Variants in ABCA1 observed in about 807,000 individuals in gnomAD.
ABCA1 encodes phospholipid-transporting ATPase ABCA1.
ABCA1 carries 133 observed loss-of-function variants against 262.5 expected under a neutral mutation model. The ratio of observed to expected loss-of-function variants is 0.51; its 90% CI spans 0.44 to 0.59. The LOEUF (loss-of-function observed/expected upper bound fraction) is 0.59. Ranked by LOEUF, ABCA1 falls within the 20% of genes least tolerant of loss-of-function variation. ABCA1 has a pLI of 0.00. For missense variants in ABCA1, 2,452 were observed against 2,777.5 expected, an observed-to-expected ratio of 0.88 and a Z score of 2.63; for synonymous variants, 1,022 against 1,043.5, an observed-to-expected ratio of 0.98 and a Z score of 0.40.
intron 15 of ABCA1, among the ~76,000 whole-genome samples, chr9:104,827,970 T>C (rs1010064395): frequency 2.0e-5 from 3 of 152,250 alleles, no homozygotes; most frequent in African/African-American, 4.8e-5. Context: ...GTAACTAGTA[T>C]TAAATTAGTT....
chr9:104,809,762 G>A (rs1831107364), intron 29 of ABCA1, among the ~76,000 whole-genome samples, 198 bp from the exon 30 acceptor site: 1 of 152,082 alleles, frequency 6.6e-6, no homozygotes, highest in Non-Finnish European at 1.5e-5. Context: ...GTGACGTAGA[G>A]CACTCCAAAG....
intron 5 of ABCA1, among the ~76,000 whole-genome samples, chr9:104,881,426 G>T (rs959466733): frequency 1.3e-5 from 2 of 152,150 alleles, no homozygotes; most frequent in Middle Eastern, 3.2e-3. Flanking sequence ...TATAGTTGAG[G>T]AAAGTAAGGC....
chr9:104,909,175 A>T (rs1841347457), intron 1 of ABCA1, among the ~76,000 whole-genome samples: 1 of 152,242 alleles, frequency 6.6e-6, no homozygotes, highest in Non-Finnish European at 1.5e-5. Flanking sequence ...AAACAACTGC[A>T]GCCTTAACTC....
intron 9 of ABCA1, among the ~76,000 whole-genome samples, chr9:104,838,087 AGG>A (rs994659078): frequency 1.2e-4 from 18 of 152,198 alleles, no homozygotes; most frequent in Admixed American, 5.2e-4. Context: ...GCACTTTGGG[AGG>A]CCAAGGCGGG....
At chr9:104,883,452 C>T (rs1838869108) in intron 4 of ABCA1, among the ~76,000 whole-genome samples, 2 of 152,190 alleles carry the variant, frequency 1.3e-5, no homozygotes, top group East Asian at 3.9e-4. Flanking sequence ...CACACACATG[C>T]CCCCAGGGCC....
intron 1 of ABCA1, among the ~76,000 whole-genome samples, chr9:104,917,113 TGGA>T (rs1371436121): frequency 6.6e-6 from 1 of 152,168 alleles, no homozygotes; most frequent in Non-Finnish European, 1.5e-5. Context: ...AAAGGTGTTA[TGGA>T]GGAGGTAGCA....
At chr9:104,898,549 AAAATAAATAAAT>A (rs60925856) in intron 2 of ABCA1, among the ~76,000 whole-genome samples, 11,759 of 143,086 alleles carry the variant, frequency 0.082, 570 homozygotes, top group Middle Eastern at 0.14. Context: ...TCCGTCTTGA[AAAATAAATAAAT>A]AAATAAATAA....
At chr9:104,857,096 G>A (rs983569093) in intron 7 of ABCA1, among the ~76,000 whole-genome samples, 1 of 152,110 alleles carries the variant, frequency 6.6e-6, no homozygotes, top group Non-Finnish European at 1.5e-5. Flanking sequence ...CTTGAGCTCA[G>A]GAGTTCGAGA....
In ABCA1 at chr9:104,817,238, C is replaced by T; in HGVS notation, c.3535+94G>A. On this transcript the variant is annotated intron_variant, in intron 24 of 49. Coordinates refer to ENST00000374736, the MANE Select transcript of ABCA1 (RefSeq NM_005502.4). The surrounding 1 kb of genome is among the most constrained non-coding windows in gnomAD (Gnocchi z 4.7). ...CCCAGCAGCAAACCTTGAGTCAGCGCCACCAGCCTCTGCACCTCTCCTCCT... is the reference window on the plus strand; with the variant it reads ...CCCAGCAGCAAACCTTGAGTCAGCGTCACCAGCCTCTGCACCTCTCCTCCT... 2.5e-6 allele frequency: 4 copies of T among 1,607,918 alleles called. No individual in the cohort carries two copies. The highest frequency in any genetic ancestry group is 3.4e-6 in the Non-Finnish European group (4 of 1,177,932).
chr9:104,903,713 G>T lies in ABCA1; in HGVS notation c.-34C>A. The T allele has an allele frequency of 6.4e-7, 1 of 1,560,012 alleles. No homozygotes were observed. Among genetic ancestry groups the T allele is most frequent in the East Asian group, 2.4e-5 (1 of 42,068 alleles). ...AGCCAGCACCCCCAGCGTGTGGCTC[G>T]GGAGCCCTGGAAGGCAGCGGCCAGA... is the stretch of plus-strand genomic sequence containing the variant. On this transcript the variant is annotated 5_prime_UTR_variant, in exon 2 of 50. Coordinates refer to ENST00000374736, the MANE Select transcript of ABCA1 (RefSeq NM_005502.4).
At chr9:104,820,823 C>A (rs979523384) in intron 20 of ABCA1, among the ~76,000 whole-genome samples, 1 of 152,152 alleles carries the variant, frequency 6.6e-6, no homozygotes, top group Non-Finnish European at 1.5e-5. Context: ...CAATGTTTCC[C>A]AAGCCCCCAT....
chr9:104,920,326 G>GA (rs1842075705), intron 1 of ABCA1, among the ~76,000 whole-genome samples: 1 of 151,946 alleles, frequency 6.6e-6, no homozygotes, highest in Non-Finnish European at 1.5e-5. Context: ...ATGCATATTT[G>GA]AAAAAAAGTT....
At chr9:104,898,981 C>T (rs1421510774) in intron 2 of ABCA1, among the ~76,000 whole-genome samples, 1 of 152,208 alleles carries the variant, frequency 6.6e-6, no homozygotes, top group Non-Finnish European at 1.5e-5. Context: ...TGTTTCACAT[C>T]TGCTGGCCTC....
At chr9:104,793,141 G>T (rs1336758121) in intron 41 of ABCA1, 30 bp downstream of exon 41, 3 of 1,613,592 alleles carry the variant, frequency 1.9e-6, no homozygotes, top group Admixed American at 1.7e-5. Flanking sequence ...CCTCAACCAG[G>T]TGCTCCACGG....
intron 39 of ABCA1, among the ~76,000 whole-genome samples, 158 bp from the exon 40 acceptor site, chr9:104,794,668 C>A (rs2118870338): frequency 6.6e-6 from 1 of 152,078 alleles, no homozygotes; most frequent in South Asian, 2.1e-4. Context: ...AATTCAGATA[C>A]CAATTAAATA....
rs576835355 is a variant in ABCA1 at position 104,816,437 on chromosome 9, G to A, written c.3536-92C>T. The A allele has an allele frequency of 7.5e-6, 9 of 1,205,640 alleles. No individual in the cohort carries two copies. The African/African-American group carries it at 9.0e-5, about 12-fold the overall frequency. The allele number at this position is 1,205,640 out of a possible 1,614,324, so 74.7% of individuals were successfully genotyped here. On this transcript the variant is annotated intron_variant, in intron 24 of 49. Coordinates refer to ENST00000374736, the MANE Select transcript of ABCA1 (RefSeq NM_005502.4). Reference sequence around the variant, plus strand: ...TCCCCCACCCTCTCATCAGAGGCCTGCCGCTCATACACCACACCTGTTCCA... The same window carrying A: ...TCCCCCACCCTCTCATCAGAGGCCTACCGCTCATACACCACACCTGTTCCA...
At chr9:104,852,445 C>T (rs1408319119) in intron 7 of ABCA1, among the ~76,000 whole-genome samples, 3 of 152,194 alleles carry the variant, frequency 2.0e-5, no homozygotes, top group African/African-American at 4.8e-5. Flanking sequence ...CATTCAAACG[C>T]TTCATTTTTT....
At chr9:104,784,583 C>T in intron 49 of ABCA1, 128 bp from the exon 50 acceptor site, 1 of 1,117,210 alleles carries the variant, frequency 9.0e-7, no homozygotes. Flanking sequence ...AATGGATTAA[C>T]TAGAAAACTG....
intron 32 of ABCA1, 40 bp downstream of exon 32, chr9:104,804,586 A>T: frequency 2.7e-6 from 4 of 1,468,784 alleles, no homozygotes; most frequent in Non-Finnish European, 3.8e-6. Flanking sequence ...TCCTCTAATT[A>T]GTAATAATAC....
Sources: gnomAD v4.1 joint callset for allele counts (sites outside exome capture counted in the v4.1 genomes callset) on GRCh38, gnomAD v4.1.1 for gene constraint, Gnocchi (gnomAD v3.1) non-coding constraint, MANE v1.5 for transcripts, NCBI Gene and HGNC (gene_info 2026-07-23, HGNC 2026-07-21) for gene names.